Variants in FLNB observed in about 807,000 individuals in gnomAD.
FLNB encodes filamin B.
FLNB carries 111 observed loss-of-function variants against 250.6 expected under a neutral mutation model. The ratio of observed to expected loss-of-function variants is 0.44; its 90% confidence interval spans 0.38 to 0.52. The LOEUF (loss-of-function observed/expected upper bound fraction) is 0.52, where lower values mean the gene tolerates loss of function less well. FLNB is among the 20% of genes least tolerant of loss of function. The pLI, the probability that FLNB is intolerant of heterozygous loss-of-function variation, is 0.00. For synonymous variants in FLNB, 1,302 were observed against 1,372.1 expected, an observed-to-expected ratio of 0.95 and a Z score of 1.13; for missense variants, 2,869 against 3,447.8, an observed-to-expected ratio of 0.83 and a Z score of 4.20.
At chr3:58,087,709 C>T (rs983128407) in intron 4 of FLNB, among the ~76,000 whole-genome samples, 2 of 151,920 alleles carry the variant, frequency 1.3e-5, no homozygotes, top group Admixed American at 6.6e-5. Flanking sequence ...CTCGGCCTCC[C>T]GAAGTGTTGG....
At chr3:58,108,687 G>A in intron 13 of FLNB, 116 bp downstream of exon 13, 2 of 711,834 alleles carry the variant, frequency 2.8e-6, no homozygotes, top group East Asian at 2.7e-5. Context: ...CCGTGGAAAT[G>A]ATAAGAAGAT....
chr3:58,158,555 C>T (rs1185277422), intron 41 of FLNB, among the ~76,000 whole-genome samples: 1 of 152,202 alleles, frequency 6.6e-6, no homozygotes, highest in East Asian at 1.9e-4. Flanking sequence ...AAGTGTGAGC[C>T]ATGCTGCTTC....
At chr3:58,029,450 C>T (rs2097127784) in intron 1 of FLNB, among the ~76,000 whole-genome samples, 2 of 151,726 alleles carry the variant, frequency 1.3e-5, no homozygotes, top group African/African-American at 4.8e-5. Context: ...CTTAGGGCCC[C>T]CTTTCTTCTG....
intron 1 of FLNB, among the ~76,000 whole-genome samples, chr3:58,012,716 C>G (rs1417004469): frequency 6.6e-6 from 1 of 152,180 alleles, no homozygotes; most frequent in Non-Finnish European, 1.5e-5. Flanking sequence ...CTTGTGTTTT[C>G]CTCATTGTGT....
intron 18 of FLNB, among the ~76,000 whole-genome samples, chr3:58,113,387 G>A (rs79495046): frequency 0.073 from 11,038 of 152,218 alleles, 779 homozygotes; most frequent in East Asian, 0.32. Context: ...GAAGGGCAAC[G>A]CTTTCTGCAG....
intron 16 of FLNB, among the ~76,000 whole-genome samples, chr3:58,110,425 C>A (rs2097266507): frequency 6.6e-6 from 1 of 150,574 alleles, no homozygotes; most frequent in Non-Finnish European, 1.5e-5. Flanking sequence ...CACCACCCAG[C>A]TAATTTTTTT....
intron 1 of FLNB, among the ~76,000 whole-genome samples, chr3:58,009,442 G>A (rs2097095205): frequency 6.6e-6 from 1 of 152,192 alleles, no homozygotes. Context: ...GTAGGCGCGG[G>A]TGTGTGTCCT....
At chr3:58,049,951 G>T (rs945028788) in intron 1 of FLNB, among the ~76,000 whole-genome samples, 1 of 152,176 alleles carries the variant, frequency 6.6e-6, no homozygotes, top group Non-Finnish European at 1.5e-5. Context: ...GGGGGCAGAG[G>T]AGGGTCTTCT....
chr3:58,090,382 C>T (rs2097224765), intron 4 of FLNB, among the ~76,000 whole-genome samples: 1 of 152,016 alleles, frequency 6.6e-6, no homozygotes. Context: ...TAGAAGATGC[C>T]CACTCTAAAA....
chr3:58,021,922 A>G (rs1232717319), intron 1 of FLNB, among the ~76,000 whole-genome samples: 1 of 152,038 alleles, frequency 6.6e-6, no homozygotes, highest in Non-Finnish European at 1.5e-5. Flanking sequence ...TTACAGGCAC[A>G]CACACCAACA....
chr3:58,127,051 A>G (rs927155914), intron 24 of FLNB, among the ~76,000 whole-genome samples: 15 of 152,298 alleles, frequency 9.8e-5, no homozygotes, highest in Admixed American at 2.0e-4. Context: ...TGAAAATCAC[A>G]GTGGCTCACA....
intron 1 of FLNB, among the ~76,000 whole-genome samples, chr3:58,058,592 A>AT (rs796180050): frequency 5.8e-4 from 89 of 152,326 alleles, no homozygotes; most frequent in African/African-American, 1.9e-3. Context: ...TGTCGCCTGA[A>AT]TTTCATAAAC....
intron 43 of FLNB, 143 bp downstream of exon 43, chr3:58,163,473 T>C (rs2097364981): frequency 3.8e-6 from 3 of 791,994 alleles, no homozygotes; most frequent in Non-Finnish European, 4.1e-6. Flanking sequence ...AGGCGCTTGC[T>C]GTCCAAAGCT....
intron 1 of FLNB, among the ~76,000 whole-genome samples, chr3:58,043,108 A>T (rs996918093): frequency 6.6e-6 from 1 of 151,148 alleles, no homozygotes; most frequent in African/African-American, 2.4e-5. Context: ...TAGCTATGTA[A>T]ACTGGATAAG....
rs575783982 is a variant in FLNB at position 58,128,592 on chromosome 3, C to T, written c.4222+1830C>T. ...TTGTTTTGGAGTTTTGTAACACTTG[C>T]GTTAGGAGAGAGTTGGGCACAGGAA... On this transcript the variant is annotated intron_variant, in intron 24 of 45. Coordinates refer to ENST00000295956, the MANE Select transcript of FLNB (RefSeq NM_001457.4). Among the ~76,000 whole-genome samples, 275 of 152,042 alleles carry T rather than the reference C, an allele frequency of 1.8e-3. 2 individuals carry two copies. Among genetic ancestry groups the T allele is most frequent in the African/African-American group, 6.5e-3 (268 of 41,456 alleles).
rs542619814 is a variant in FLNB, at chr3:58,101,935, C to T, written c.1346-268C>T. Among the ~76,000 whole-genome samples, 5 of 152,316 alleles carry T rather than the reference C, an allele frequency of 3.3e-5. No individual in the cohort carries two copies. The South Asian group carries it at 6.2e-4, about 19-fold the overall frequency. The stretch of plus-strand genomic sequence containing the variant: ...AAAGGTTAAATGCTGGAAGCAGGAG[C>T]ACAGCATGGATTTGCTGTGCTCTCC... On this transcript the variant is annotated intron_variant, in intron 8 of 45. Transcript: ENST00000295956.
At chr3:58,078,264 C>T (rs1168920777) in intron 2 of FLNB, 18 of 1,407,586 alleles carry the variant, frequency 1.3e-5, no homozygotes, top group Non-Finnish European at 1.7e-5. Flanking sequence ...TTACTCTAGT[C>T]CTTTACCTCA....
intron 19 of FLNB, among the ~76,000 whole-genome samples, chr3:58,120,052 C>A (rs948093327): frequency 5.3e-5 from 8 of 152,188 alleles, no homozygotes; most frequent in African/African-American, 1.9e-4. Flanking sequence ...GTGCATACCC[C>A]CAGGACGGGG....
chr3:58,062,025 A>G (rs2097179436), intron 1 of FLNB, among the ~76,000 whole-genome samples: 1 of 152,076 alleles, frequency 6.6e-6, no homozygotes, highest in Non-Finnish European at 1.5e-5. Flanking sequence ...TGGGAGGCGG[A>G]GGTTGCAGTA....
Sources: gnomAD v4.1 joint callset for allele counts (sites outside exome capture counted in the v4.1 genomes callset) on GRCh38, gnomAD v4.1.1 for gene constraint, MANE v1.5 for transcripts, NCBI Gene and HGNC (gene_info 2026-07-23, HGNC 2026-07-21) for gene names.